SPOCK3: variants seen among roughly 807,000 people sequenced by gnomAD.
SPOCK3 encodes the protein SPARC (osteonectin), cwcv and kazal like domains proteoglycan 3.
In SPOCK3, 30 loss-of-function variants were observed where a neutral mutation model predicts 56.6. That is an observed-to-expected ratio of 0.53 (90% CI 0.40 to 0.72). The LOEUF (loss-of-function observed/expected upper bound fraction) is 0.72, where lower values mean the gene tolerates loss of function less well. Ranked by LOEUF, SPOCK3 falls within the 30% of genes least tolerant of loss-of-function variation. The pLI is 0.00. For missense variants in SPOCK3, 527 were observed against 530.0 expected, an observed-to-expected ratio of 0.99 and a Z score of 0.06; for synonymous variants, 196 against 183.3, an observed-to-expected ratio of 1.07 and a Z score of -0.56.
At chr4:167,224,435 T>C (rs1052011706) in intron 2 of SPOCK3, among the ~76,000 whole-genome samples, 1 of 152,140 alleles carries the variant, frequency 6.6e-6, no homozygotes, top group East Asian at 1.9e-4. Flanking sequence ...AACATTAACA[T>C]ATAGTTCATT....
At chr4:166,914,123 C>G (rs529173788) in intron 4 of SPOCK3, among the ~76,000 whole-genome samples, 1 of 151,438 alleles carries the variant, frequency 6.6e-6, no homozygotes, top group African/African-American at 2.4e-5. Flanking sequence ...TCAAACAAGA[C>G]ATGAAATTAC....
intron 4 of SPOCK3, among the ~76,000 whole-genome samples, chr4:166,979,695 C>T (rs924616021): frequency 6.6e-6 from 1 of 152,158 alleles, no homozygotes; most frequent in Non-Finnish European, 1.5e-5. Context: ...TCCTCAATGC[C>T]TAACTCTAAA....
chr4:167,018,821 C>T (rs1237017599), intron 3 of SPOCK3, among the ~76,000 whole-genome samples: 2 of 151,970 alleles, frequency 1.3e-5, no homozygotes, highest in Non-Finnish European at 2.9e-5. Flanking sequence ...AATGGAAGCA[C>T]TAACTCTATC....
intron 4 of SPOCK3, among the ~76,000 whole-genome samples, chr4:166,949,444 C>T (rs1359674358): frequency 5.3e-5 from 8 of 152,134 alleles, no homozygotes; most frequent in Non-Finnish European, 5.9e-5. Context: ...AGTTTTTCTG[C>T]TCTGTTTTTT....
intron 3 of SPOCK3, among the ~76,000 whole-genome samples, chr4:167,042,297 A>T (rs1291694107): frequency 6.6e-6 from 1 of 152,168 alleles, no homozygotes; most frequent in African/African-American, 2.4e-5. Context: ...TGGATGTGGA[A>T]CCTATGGTTA....
At chr4:166,764,650 A>T (rs1429588333) in intron 7 of SPOCK3, among the ~76,000 whole-genome samples, 4 of 152,142 alleles carry the variant, frequency 2.6e-5, no homozygotes, top group Admixed American at 2.6e-4. Context: ...CAATAAACAT[A>T]CATGTGCATG....
intron 4 of SPOCK3, among the ~76,000 whole-genome samples, chr4:166,978,885 A>G (rs1252637427): frequency 1.3e-5 from 2 of 152,236 alleles, no homozygotes; most frequent in East Asian, 3.8e-4. Flanking sequence ...AGAAGACATC[A>G]AAAACATTTT....
intron 8 of SPOCK3, among the ~76,000 whole-genome samples, chr4:166,750,375 G>A (rs1188129552): frequency 6.6e-6 from 1 of 152,106 alleles, no homozygotes; most frequent in African/African-American, 2.4e-5. Flanking sequence ...GCTTAGGGTA[G>A]AGACATGGAT....
intron 3 of SPOCK3, among the ~76,000 whole-genome samples, chr4:167,042,049 A>C (rs1753276031): frequency 6.6e-6 from 1 of 152,140 alleles, no homozygotes. Flanking sequence ...TCCTATTAGA[A>C]TTTTATTTAA....
At chr4:167,082,851 G>A (rs2150293332) in intron 2 of SPOCK3, among the ~76,000 whole-genome samples, 1 of 150,674 alleles carries the variant, frequency 6.6e-6, no homozygotes, top group African/African-American at 2.4e-5. Context: ...AAGGGAAGAG[G>A]GAGGGGTGAG....
chr4:167,156,911 C>T (rs1315014729), intron 2 of SPOCK3, among the ~76,000 whole-genome samples: 2 of 152,064 alleles, frequency 1.3e-5, no homozygotes, highest in Non-Finnish European at 2.9e-5. Context: ...TGGATTTCTA[C>T]CAAAGGGCTC....
chr4:166,936,290 G>T (rs75955099), intron 4 of SPOCK3, among the ~76,000 whole-genome samples: 12,863 of 151,880 alleles, frequency 0.085, 665 homozygotes, highest in African/African-American at 0.14. Context: ...AAAAGTTCTT[G>T]TCTGATTTTA....
chr4:166,826,070 A>T (rs1427602468), intron 6 of SPOCK3, among the ~76,000 whole-genome samples: 1 of 152,082 alleles, frequency 6.6e-6, no homozygotes, highest in Admixed American at 6.6e-5. Flanking sequence ...AATATAGTAG[A>T]GTTGTAAGAT....
chr4:167,147,664 A>G (rs1354204760), intron 2 of SPOCK3, among the ~76,000 whole-genome samples: 1 of 152,162 alleles, frequency 6.6e-6, no homozygotes, highest in African/African-American at 2.4e-5. Flanking sequence ...TTTCAGGGAC[A>G]TAGATGAAGC....
At chr4:167,055,497 G>C (rs1461349105) in intron 3 of SPOCK3, among the ~76,000 whole-genome samples, 1 of 152,162 alleles carries the variant, frequency 6.6e-6, no homozygotes, top group Non-Finnish European at 1.5e-5. Context: ...AGCAGGGTGA[G>C]GCATTGCCTC....
At chr4:167,216,419 G>A (rs1227734055) in intron 2 of SPOCK3, among the ~76,000 whole-genome samples, 1 of 152,102 alleles carries the variant, frequency 6.6e-6, no homozygotes, top group Non-Finnish European at 1.5e-5. Context: ...GTGCTTGCAG[G>A]CAGGGAGAAG....
chr4:166,744,833 G>T (rs1735361199), intron 8 of SPOCK3, among the ~76,000 whole-genome samples: 1 of 152,126 alleles, frequency 6.6e-6, no homozygotes, highest in African/African-American at 2.4e-5. Flanking sequence ...AGAACTACGT[G>T]ATGCGTGCAT....
chr4:166,884,012 T>C (rs768783204), intron 6 of SPOCK3, among the ~76,000 whole-genome samples: 8 of 152,134 alleles, frequency 5.3e-5, no homozygotes, highest in Non-Finnish European at 1.2e-4. Context: ...AGACTAGTAA[T>C]TGTATCAAGA....
At chr4:166,864,259 A>G (rs1043220408) in intron 6 of SPOCK3, among the ~76,000 whole-genome samples, 1 of 152,198 alleles carries the variant, frequency 6.6e-6, no homozygotes, top group Non-Finnish European at 1.5e-5. Context: ...ACGTACCAGA[A>G]TCTCTAGGAC....
Sources: allele counts gnomAD v4.1 joint callset (sites outside exome capture counted in the v4.1 genomes callset), GRCh38; gene constraint gnomAD v4.1.1; transcripts MANE v1.5; gene names NCBI Gene and HGNC (gene_info 2026-07-23, HGNC 2026-07-21).